ROBO2: variants seen among roughly 807,000 people sequenced by gnomAD.
The protein encoded by ROBO2 is roundabout guidance receptor 2.
In ROBO2, 53 loss-of-function variants were observed where a neutral mutation model predicts 160.8. That is an observed-to-expected ratio of 0.33 (90% CI 0.26 to 0.41). The LOEUF is 0.41. Ranked by LOEUF, ROBO2 falls within the 10% of genes least tolerant of loss-of-function variation. The pLI is 1.00. For synonymous variants in ROBO2, 664 were observed against 611.7 expected, an observed-to-expected ratio of 1.09 and a Z score of -1.26; for missense variants, 1,577 against 1,722.4, an observed-to-expected ratio of 0.92 and a Z score of 1.49.
intron 2 of ROBO2, among the ~76,000 whole-genome samples, chr3:76,323,794 T>A (rs2072777335): frequency 6.6e-6 from 1 of 152,202 alleles, no homozygotes; most frequent in African/African-American, 2.4e-5. Context: ...ATATGTATCT[T>A]CATGACTCCA....
At chr3:77,188,223 A>AATTATC (rs2081461981) in intron 2 of ROBO2, among the ~76,000 whole-genome samples, 2 of 143,228 alleles carry the variant, frequency 1.4e-5, no homozygotes, top group African/African-American at 6.0e-5. Context: ...ATTTGCTCTG[A>AATTATC]AGGGTAAAAG....
At chr3:77,555,045 C>G (rs535314941) in intron 8 of ROBO2, among the ~76,000 whole-genome samples, 4 of 152,060 alleles carry the variant, frequency 2.6e-5, no homozygotes, top group Non-Finnish European at 5.9e-5. Context: ...TCAGCAACCA[C>G]CACCCTGGTC....
At chr3:77,163,903 A>G (rs2078712483) in intron 2 of ROBO2, among the ~76,000 whole-genome samples, 1 of 152,226 alleles carries the variant, frequency 6.6e-6, no homozygotes, top group Non-Finnish European at 1.5e-5. Context: ...AGGCAGACAT[A>G]CATACAGATA....
intron 2 of ROBO2, among the ~76,000 whole-genome samples, chr3:76,352,634 G>C (rs938059046): frequency 6.6e-6 from 1 of 151,874 alleles, no homozygotes; most frequent in Non-Finnish European, 1.5e-5. Flanking sequence ...AAATGGTCCC[G>C]AAAACTTGGG....
intron 2 of ROBO2, among the ~76,000 whole-genome samples, chr3:76,450,468 T>C (rs903295812): frequency 6.6e-6 from 1 of 152,286 alleles, no homozygotes; most frequent in Middle Eastern, 3.4e-3. Context: ...AAAAAAATGA[T>C]GAAAATTTTA....
chr3:76,207,011 A>C (rs1398529844), intron 2 of ROBO2, among the ~76,000 whole-genome samples: 2 of 152,336 alleles, frequency 1.3e-5, no homozygotes, highest in African/African-American at 4.8e-5. Flanking sequence ...AGATATAACC[A>C]CTAGAACCAT....
intron 16 of ROBO2, among the ~76,000 whole-genome samples, chr3:77,587,810 A>T (rs993903782): frequency 2.6e-5 from 4 of 152,110 alleles, no homozygotes; most frequent in African/African-American, 9.7e-5. Context: ...TTTACCTTTT[A>T]AAAGTCTTTC....
chr3:76,575,214 T>TTTA (rs2085212721), intron 2 of ROBO2, among the ~76,000 whole-genome samples: 2 of 152,066 alleles, frequency 1.3e-5, no homozygotes. Context: ...CCTTGATAAT[T>TTTA]CCCATTCTTT....
intron 2 of ROBO2, among the ~76,000 whole-genome samples, chr3:76,796,174 A>G (rs1045905809): frequency 2.0e-5 from 3 of 152,110 alleles, no homozygotes; most frequent in Non-Finnish European, 4.4e-5. Context: ...ACCAGCTGCT[A>G]ACAAGAGAGT....
intron 13 of ROBO2, among the ~76,000 whole-genome samples, chr3:77,570,076 CA>C (rs1384705022): frequency 1.3e-5 from 2 of 151,968 alleles, no homozygotes; most frequent in East Asian, 3.9e-4. Context: ...TGAGTAGATA[CA>C]AAACTAACAA....
At chr3:76,056,760 T>C (rs2067861785) in intron 2 of ROBO2, among the ~76,000 whole-genome samples, 4 of 152,212 alleles carry the variant, frequency 2.6e-5, no homozygotes, top group African/African-American at 9.6e-5. Context: ...CAGTAGATTA[T>C]GAATTCACAA....
chr3:76,256,377 C>T (rs763485799), intron 2 of ROBO2, among the ~76,000 whole-genome samples: 1 of 149,158 alleles, frequency 6.7e-6, no homozygotes, highest in Admixed American at 6.7e-5. Flanking sequence ...CACACACACA[C>T]GCAAGGTATG....
intron 2 of ROBO2, among the ~76,000 whole-genome samples, chr3:77,408,099 A>AC (rs879484007): frequency 9.8e-5 from 14 of 143,042 alleles, no homozygotes; most frequent in East Asian, 4.2e-4. Flanking sequence ...ACAAAAACAA[A>AC]AAAAAAAATA....
chr3:76,095,517 A>G (rs896416669), intron 2 of ROBO2, among the ~76,000 whole-genome samples: 1 of 152,160 alleles, frequency 6.6e-6, no homozygotes, highest in African/African-American at 2.4e-5. Context: ...ATATCAATTG[A>G]TATAATGATA....
At chr3:77,094,225 T>C (rs1434213578) in intron 1 of ROBO2, among the ~76,000 whole-genome samples, 1 of 152,204 alleles carries the variant, frequency 6.6e-6, no homozygotes, top group Non-Finnish European at 1.5e-5. Flanking sequence ...TCTCTGGACA[T>C]GTCATATAAA....
At chr3:77,096,853 C>G (rs751285551) in intron 1 of ROBO2, among the ~76,000 whole-genome samples, 5 of 152,128 alleles carry the variant, frequency 3.3e-5, no homozygotes, top group Non-Finnish European at 7.4e-5. Context: ...GGTGATATAC[C>G]AAATTCTGTC....
At chr3:77,604,375 A>T (rs1288487722) in intron 20 of ROBO2, among the ~76,000 whole-genome samples, 1 of 152,170 alleles carries the variant, frequency 6.6e-6, no homozygotes, top group Middle Eastern at 3.2e-3. Context: ...AGTATGTAAA[A>T]ATAAATCTAT....
At chr3:76,420,265 T>C (rs2075937464) in intron 2 of ROBO2, among the ~76,000 whole-genome samples, 1 of 152,184 alleles carries the variant, frequency 6.6e-6, no homozygotes, top group Non-Finnish European at 1.5e-5. Context: ...TCTTCTCATC[T>C]CAACCTCCCA....
At chr3:76,873,787 C>T (rs2072398310) in intron 2 of ROBO2, among the ~76,000 whole-genome samples, 1 of 152,120 alleles carries the variant, frequency 6.6e-6, no homozygotes, top group Admixed American at 6.5e-5. Flanking sequence ...GAAATTTGCT[C>T]ATTTGACAGA....
Sources: gnomAD v4.1 joint callset for allele counts (sites outside exome capture counted in the v4.1 genomes callset) on GRCh38, gnomAD v4.1.1 for gene constraint, MANE v1.5 for transcripts, NCBI Gene and HGNC (gene_info 2026-07-23, HGNC 2026-07-21) for gene names.